DMD: variants seen among roughly 807,000 people sequenced by gnomAD.
DMD encodes the protein dystrophin.
DMD carries 63 observed loss-of-function variants against 330.1 expected under a neutral mutation model. The observed-to-expected ratio is 0.19, with a 90% CI of 0.16 to 0.24. The LOEUF is 0.24. Among genes scored for constraint, DMD ranks in the 10% least tolerant of loss-of-function variants. DMD has a pLI of 1.00. For missense variants in DMD, 3,344 were observed against 2,684.1 expected (o/e 1.25, Z -5.43); for synonymous variants, 1,223 against 959.8 (o/e 1.27, Z -5.07).
chrX:32,912,593 T>C (rs1478302111), intron 2 of DMD, among the ~76,000 whole-genome samples: 1 of 112,190 alleles, frequency 8.9e-6, no homozygotes, highest in East Asian at 2.8e-4. Context: ...GACATAATGC[T>C]GCAGTCACAG....
At chrX:32,297,133 T>C (rs2097500020) in intron 42 of DMD, among the ~76,000 whole-genome samples, 1 of 111,532 alleles carries the variant, frequency 9.0e-6, no homozygotes, top group Non-Finnish European at 1.9e-5. Flanking sequence ...CTAGTAATAC[T>C]ATCTTCTAGG....
At chrX:33,034,893 T>A (rs1018968020) in intron 1 of DMD, among the ~76,000 whole-genome samples, 3 of 112,269 alleles carry the variant, frequency 2.7e-5, no homozygotes, top group Non-Finnish European at 5.6e-5. Context: ...TAAGCCATTA[T>A]CTTTATATGG....
chrX:33,171,173 C>T (rs1318377864), intron 1 of DMD, among the ~76,000 whole-genome samples: 1 of 28,775 alleles, frequency 3.5e-5, no homozygotes, highest in Non-Finnish European at 6.1e-5. Context: ...AAAAACAGAC[C>T]AGATGGATTG....
intron 44 of DMD, among the ~76,000 whole-genome samples, chrX:32,147,905 T>A (rs1300848494): frequency 1.0e-5 from 1 of 96,486 alleles, no homozygotes; most frequent in East Asian, 3.2e-4. Context: ...TGAGATGGAG[T>A]CTCGCTCTGT....
At chrX:31,838,214 G>A (rs1291088987) in intron 48 of DMD, among the ~76,000 whole-genome samples, 1 of 111,415 alleles carries the variant, frequency 9.0e-6, no homozygotes, top group South Asian at 3.8e-4. Context: ...CTTGAATACC[G>A]CATTTGCAAA....
chrX:32,338,180 A>T (rs2097724361), intron 41 of DMD, among the ~76,000 whole-genome samples: 1 of 111,196 alleles, frequency 9.0e-6, no homozygotes, highest in Non-Finnish European at 1.9e-5. Flanking sequence ...TCATCCTGTA[A>T]ATGTTCTTTT....
At chrX:32,103,697 T>C (rs982596983) in intron 44 of DMD, among the ~76,000 whole-genome samples, 1 of 112,357 alleles carries the variant, frequency 8.9e-6, no homozygotes, top group African/African-American at 3.2e-5. Flanking sequence ...CTGACTCAGA[T>C]TGGCTTCAGA....
At chrX:32,686,020 CAAA>C (rs2062832801) in intron 9 of DMD, among the ~76,000 whole-genome samples, 1 of 111,126 alleles carries the variant, frequency 9.0e-6, no homozygotes, top group Non-Finnish European at 1.9e-5. Context: ...TTAGTGAAAA[CAAA>C]AAAGTTTGCT....
At chrX:32,637,070 T>A (rs1487255843) in intron 11 of DMD, among the ~76,000 whole-genome samples, 1 of 111,752 alleles carries the variant, frequency 8.9e-6, no homozygotes, top group Non-Finnish European at 1.9e-5. Context: ...TCAATCTTCC[T>A]GATTAAATGC....
chrX:31,842,800 G>A (rs186626594), intron 48 of DMD, among the ~76,000 whole-genome samples: 56 of 111,637 alleles, frequency 5.0e-4, no homozygotes, highest in Non-Finnish European at 9.0e-4. Context: ...CTGAGGTTTG[G>A]AGTATGATGG....
At chrX:32,599,113 C>A (rs139785539) in intron 12 of DMD, among the ~76,000 whole-genome samples, 1,659 of 112,120 alleles carry the variant, frequency 0.015, 13 homozygotes, top group Non-Finnish European at 0.023. Flanking sequence ...CACTAAATAG[C>A]TGTAAGACAA....
intron 43 of DMD, among the ~76,000 whole-genome samples, chrX:32,271,217 GACAA>G (rs761468781): frequency 4.5e-5 from 5 of 111,674 alleles, no homozygotes; most frequent in East Asian, 2.8e-4. Context: ...AGCATTTCAA[GACAA>G]ACAGACAAAA....
chrX:32,756,743 A>T (rs1274904720), intron 7 of DMD, among the ~76,000 whole-genome samples: 2 of 111,979 alleles, frequency 1.8e-5, no homozygotes, highest in Non-Finnish European at 3.8e-5. Flanking sequence ...GCTACTTATT[A>T]AAAAGGTAAG....
In DMD at chrX:33,084,423, G is replaced by A. The variant is rs186075818; in HGVS notation, c.32-64223C>T. Among the ~76,000 whole-genome samples, 457 of 112,150 alleles carry A rather than the reference G, an allele frequency of 4.1e-3. 1 individual carries two copies. The highest frequency in any genetic ancestry group is 0.014 in the African/African-American group (437 of 30,954). On this transcript the variant is annotated intron_variant, in intron 1 of 78. Transcript: ENST00000357033. The stretch of plus-strand genomic sequence containing the variant: ...TTGTTATTACTCAAATCAGCAAATC[G>A]GTCTCCCCAGGCATTCGGGGAACAG...
chrX:32,655,544 T>A (rs1203307936), intron 9 of DMD, among the ~76,000 whole-genome samples: 1 of 111,679 alleles, frequency 9.0e-6, no homozygotes, highest in Admixed American at 9.5e-5. Flanking sequence ...TGCTGAGGGG[T>A]GCTTTAACTT....
chrX:33,281,305 T>C lies in DMD; in HGVS notation c.7+57954A>G, dbSNP rs770866176. On this transcript the variant is annotated intron_variant, in intron 1 of 17. Transcript: ENST00000288447. ...TTCACTGCAACCTCTCTCTCCCGGGTTCAAGAGACCCTCATGCCTCAGCCT... is the reference window on the plus strand; with the variant it reads ...TTCACTGCAACCTCTCTCTCCCGGGCTCAAGAGACCCTCATGCCTCAGCCT... 2.8e-5 allele frequency among the ~76,000 whole-genome samples: 3 copies of C among 107,218 alleles called. 1 individual carries two copies. In the South Asian group the frequency reaches 1.3e-3, roughly 46 times the overall value. 93.1% of individuals were successfully genotyped at this position (107,218 alleles called of 115,157 possible).
At chrX:32,150,771 G>C (rs1483670813) in intron 44 of DMD, among the ~76,000 whole-genome samples, 2 of 111,722 alleles carry the variant, frequency 1.8e-5, no homozygotes, top group Non-Finnish European at 3.8e-5. Flanking sequence ...AGAGCAATCA[G>C]TAAGTGTCTT....
intron 69 of DMD, among the ~76,000 whole-genome samples, chrX:31,179,458 T>C (rs1404831909): frequency 1.8e-5 from 2 of 112,373 alleles, no homozygotes; most frequent in Non-Finnish European, 3.8e-5. Flanking sequence ...AAGACCAAGG[T>C]AATGCCAATA....
chrX:32,957,194 CTTGTATCTCTATCATAATGTTAAAG>C (rs1254285778), intron 2 of DMD, among the ~76,000 whole-genome samples: 1 of 111,150 alleles, frequency 9.0e-6, no homozygotes, highest in East Asian at 2.8e-4. Context: ...ATTTGTTTTT[CTTGTATCTCTATCATAATGTTAAAG>C]TCATCGTAAA....
Sources: gnomAD v4.1 joint callset for allele counts (sites outside exome capture counted in the v4.1 genomes callset) on GRCh38, gnomAD v4.1.1 for gene constraint, MANE v1.5 for transcripts, NCBI Gene and HGNC (gene_info 2026-07-23, HGNC 2026-07-21) for gene names.